Variants in LYZL1 observed in about 807,000 individuals in gnomAD.
LYZL1 encodes the protein lysozyme-like protein 1.
Under a neutral mutation model 17.9 loss-of-function variants are expected in LYZL1, and 16 were observed. The ratio of observed to expected loss-of-function variants is 0.90; its 90% CI spans 0.61 to 1.36. LYZL1 has a LOEUF of 1.36. LYZL1 is among the 40% of genes most tolerant of loss of function. The pLI is 0.00. For missense variants in LYZL1, 149 were observed against 188.4 expected, an observed-to-expected ratio of 0.79 and a Z score of 1.22; for synonymous variants, 58 against 71.8, an observed-to-expected ratio of 0.81 and a Z score of 0.97.
chr10:29,295,161 C>A (rs554314448), intron 3 of LYZL1, among the ~76,000 whole-genome samples: 61 of 152,320 alleles, frequency 4.0e-4, no homozygotes, highest in Admixed American at 1.2e-3. Context: ...AGAATGATCA[C>A]TACCTCCTGA....
intron 4 of LYZL1, among the ~76,000 whole-genome samples, chr10:29,317,616 A>G (rs942433667): frequency 6.6e-5 from 10 of 151,838 alleles, no homozygotes; most frequent in African/African-American, 1.2e-4. Flanking sequence ...GCTAAGCCCA[A>G]CTCCTCTGTG....
At chr10:29,290,553 G>A (rs2479061) in intron 1 of LYZL1, among the ~76,000 whole-genome samples, 98,885 of 152,060 alleles carry the variant, frequency 0.65, 32,655 homozygotes, top group African/African-American at 0.73. Flanking sequence ...AAACACTCAT[G>A]TTTTGGGCTG....
At chr10:29,308,392 G>A (rs1337091229) in intron 3 of LYZL1, among the ~76,000 whole-genome samples, 1 of 152,202 alleles carries the variant, frequency 6.6e-6, no homozygotes, top group African/African-American at 2.4e-5. Context: ...CGTCACAAAT[G>A]GACATCTCCG....
chr10:29,306,474 C>A (rs1259476919), intron 3 of LYZL1, among the ~76,000 whole-genome samples: 18 of 128,472 alleles, frequency 1.4e-4, no homozygotes, highest in Non-Finnish European at 1.6e-4. Flanking sequence ...GGCGTGAACC[C>A]GGGAGGCGGA....
At chr10:29,292,961 G>A (rs1438352418) in intron 3 of LYZL1, among the ~76,000 whole-genome samples, 2 of 152,102 alleles carry the variant, frequency 1.3e-5, no homozygotes, top group Admixed American at 1.3e-4. Flanking sequence ...AGAGATATTT[G>A]ATGTCTTCAG....
chr10:29,316,707 CT>C (rs201357117), intron 3 of LYZL1, among the ~76,000 whole-genome samples: 5,084 of 126,356 alleles, frequency 0.04, 106 homozygotes, highest in South Asian at 0.089. Flanking sequence ...TTTCCTTTTC[CT>C]TTTTTTTTTT....
At chr10:29,305,833 C>T (rs1835581170) in intron 3 of LYZL1, among the ~76,000 whole-genome samples, 1 of 152,162 alleles carries the variant, frequency 6.6e-6, no homozygotes, top group South Asian at 2.1e-4. Context: ...CTACCTTTAT[C>T]TTCTAGTGAA....
At chr10:29,301,107 G>T (rs903123964) in intron 3 of LYZL1, among the ~76,000 whole-genome samples, 2 of 152,060 alleles carry the variant, frequency 1.3e-5, no homozygotes, top group African/African-American at 4.8e-5. Context: ...TCGGTGGGAG[G>T]TGATTGAATT....
chr10:29,289,994 G>A (rs1159748598), intron 1 of LYZL1, among the ~76,000 whole-genome samples: 1 of 152,138 alleles, frequency 6.6e-6, no homozygotes, highest in Non-Finnish European at 1.5e-5. Context: ...CGTTTGTAAT[G>A]TACATGCCCC....
chr10:29,312,754 G>A (rs1835688311), downstream of LYZL1, among the ~76,000 whole-genome samples: 2 of 152,130 alleles, frequency 1.3e-5, no homozygotes, highest in Non-Finnish European at 2.9e-5. Flanking sequence ...TGTGGCACCT[G>A]CTGGGTTTTC....
intron 3 of LYZL1, among the ~76,000 whole-genome samples, chr10:29,298,733 T>G (rs556726820): frequency 6.6e-6 from 1 of 151,984 alleles, no homozygotes; most frequent in Non-Finnish European, 1.5e-5. Context: ...AGGATGAGCT[T>G]TTATTATAGA....
chr10:29,304,547 TTGTTGC>T (rs1343824995), intron 3 of LYZL1, among the ~76,000 whole-genome samples: 1 of 152,102 alleles, frequency 6.6e-6, no homozygotes, highest in African/African-American at 2.4e-5. Context: ...TTTGTGTAAA[TTGTTGC>T]TGTTTTCTGT....
intron 4 of LYZL1, among the ~76,000 whole-genome samples, chr10:29,310,567 T>G: frequency 6.6e-6 from 1 of 151,632 alleles, no homozygotes; most frequent in East Asian, 1.9e-4. Flanking sequence ...AGCAACATTT[T>G]GCAGGGAAAG....
chr10:29,292,405 G>T, intron 2 of LYZL1, 114 bp from the exon 3 acceptor site: 1 of 1,478,402 alleles, frequency 6.8e-7, no homozygotes, highest in Non-Finnish European at 9.1e-7. Context: ...CCCTGCCCAA[G>T]GTGTATTGGG....
intron 3 of LYZL1, among the ~76,000 whole-genome samples, chr10:29,306,562 A>G (rs1328500199): frequency 1.5e-5 from 2 of 134,836 alleles, no homozygotes; most frequent in Non-Finnish European, 3.3e-5. Context: ...AAAAAAAAAA[A>G]AAAAAAAAAA....
intron 1 of LYZL1, among the ~76,000 whole-genome samples, chr10:29,290,699 TGTG>T (rs1339662381): frequency 1.3e-5 from 2 of 151,882 alleles, no homozygotes; most frequent in Non-Finnish European, 2.9e-5. Context: ...ATTAGCCAGG[TGTG>T]GTGGTGGGCG....
At chr10:29,309,153 A>AC (rs370851886) in intron 3 of LYZL1, among the ~76,000 whole-genome samples, 3 of 152,002 alleles carry the variant, frequency 2.0e-5, no homozygotes, top group African/African-American at 7.2e-5. Flanking sequence ...ACATGGTGAA[A>AC]CCCCATCTCT....
rs1355439340 is a variant in LYZL1, at chr10:29,291,881, G to A, written c.14G>A (p.Gly5Asp). 6.3e-7 allele frequency: 1 copy of A among 1,581,662 alleles called. No homozygotes were observed. Among genetic ancestry groups the A allele is most frequent in the African/African-American group, 1.4e-5 (1 of 73,460 alleles). MKAA[G>D]ILTLIGCLVT... ...CAGGCTTTGAGGATGAAGGCTGCGGGCATTCTGACCCTCATTGGCTGCCTG... is the reference window on the plus strand; with the variant it reads ...CAGGCTTTGAGGATGAAGGCTGCGGACATTCTGACCCTCATTGGCTGCCTG... Residue 5 changes from glycine to aspartate, a missense_variant, in exon 2 of 5, where the codon GGC becomes GAC. Coordinates refer to ENST00000649382, the MANE Select transcript of LYZL1 (RefSeq NM_032517.6).
At chr10:29,294,600 T>C (rs976680593) in intron 3 of LYZL1, among the ~76,000 whole-genome samples, 1 of 152,238 alleles carries the variant, frequency 6.6e-6, no homozygotes, top group Non-Finnish European at 1.5e-5. Flanking sequence ...GCCTGGCCAT[T>C]GCAGGAGCTC....
Sources: gnomAD v4.1 joint callset for allele counts (sites outside exome capture counted in the v4.1 genomes callset) on GRCh38, gnomAD v4.1.1 for gene constraint, MANE v1.5 for transcripts, NCBI Gene and HGNC (gene_info 2026-07-23, HGNC 2026-07-21) for gene names.